The following RIMBP2 variants were observed in gnomAD, a reference collection of about 807,000 sequenced individuals.
RIMBP2 encodes RIMS-binding protein 2.
In RIMBP2, 48 loss-of-function variants were observed where a neutral mutation model predicts 118.6. That is an observed-to-expected ratio of 0.40 (90% CI 0.32 to 0.51). RIMBP2 has a LOEUF of 0.51. RIMBP2 is among the 20% of genes least tolerant of loss of function. RIMBP2 has a pLI of 0.41. For synonymous variants in RIMBP2, 762 were observed against 742.9 expected (o/e 1.03, Z -0.42); for missense variants, 1,551 against 1,768.3 (o/e 0.88, Z 2.20).
At chr12:130,572,448 G>A (rs1417456547) in intron 2 of RIMBP2, among the ~76,000 whole-genome samples, 6 of 151,976 alleles carry the variant, frequency 3.9e-5, no homozygotes, top group African/African-American at 9.7e-5. Context: ...TTGGACACTC[G>A]GCTCCCTGGG....
chr12:130,482,261 T>C (rs955406409), intron 4 of RIMBP2, among the ~76,000 whole-genome samples: 14 of 152,192 alleles, frequency 9.2e-5, no homozygotes, highest in Admixed American at 8.5e-4. Context: ...CTATTTCTAC[T>C]CCATTTATTC....
chr12:130,703,049 C>G lies in RIMBP2; in HGVS notation c.-352+13173G>C, dbSNP rs571386524. On this transcript the variant is annotated intron_variant, in intron 1 of 22. Coordinates refer to ENST00000690449, the MANE Select transcript of RIMBP2 (RefSeq NM_001393629.1). This position sits in a 1 kb window ranked among gnomAD's most constrained non-coding sequence, Gnocchi z 5.7. ...AAAATGCTGCTGCTACTCAGATGCC[C>G]GGAGAAGTTCATTAGAACAGGATTT... Among the ~76,000 whole-genome samples the G allele has an allele frequency of 1.3e-5, 2 of 152,116 alleles. No individual in the cohort carries two copies. The highest frequency in any genetic ancestry group is 4.8e-5 in the African/African-American group (2 of 41,418).
chr12:130,401,118 C>CT (rs761521395), intron 21 of RIMBP2, among the ~76,000 whole-genome samples: 1,796 of 149,774 alleles, frequency 0.012, 32 homozygotes, highest in African/African-American at 0.042. Context: ...GATTTTATAT[C>CT]TTTTTTTTTT....
At chr12:130,488,630 G>T (rs1566131173) in intron 4 of RIMBP2, among the ~76,000 whole-genome samples, 1 of 151,750 alleles carries the variant, frequency 6.6e-6, no homozygotes, top group Middle Eastern at 3.2e-3. Flanking sequence ...AAAAATCAGT[G>T]TTGCAAGGCT....
intron 2 of RIMBP2, among the ~76,000 whole-genome samples, chr12:130,535,952 G>T (rs1451842926): frequency 6.6e-6 from 1 of 151,522 alleles, no homozygotes; most frequent in African/African-American, 2.4e-5. Context: ...CTGATTTTTT[G>T]TTGTTGTTGT....
At chr12:130,607,829 C>A (rs1378252033) in intron 2 of RIMBP2, among the ~76,000 whole-genome samples, 1 of 151,916 alleles carries the variant, frequency 6.6e-6, no homozygotes, top group Non-Finnish European at 1.5e-5. Context: ...ATTTTTACAG[C>A]CGCTTAGGTT....
At chr12:130,404,561 A>G (rs976431883) in intron 21 of RIMBP2, among the ~76,000 whole-genome samples, 3 of 152,212 alleles carry the variant, frequency 2.0e-5, no homozygotes, top group African/African-American at 7.2e-5. Context: ...CAGCCTCCGC[A>G]TGAGTCACCG....
chr12:130,474,079 C>T (rs2081233566), intron 5 of RIMBP2, among the ~76,000 whole-genome samples: 1 of 152,168 alleles, frequency 6.6e-6, no homozygotes, highest in Non-Finnish European at 1.5e-5. Context: ...GTAACCTACA[C>T]AAGAAACTGA....
intron 21 of RIMBP2, among the ~76,000 whole-genome samples, chr12:130,400,180 C>T (rs532994450): frequency 3.3e-5 from 5 of 152,278 alleles, no homozygotes; most frequent in African/African-American, 1.2e-4. Context: ...GCTAAAAACA[C>T]ATCGCTCAGC....
At chr12:130,569,347 TCTCA>T (rs1255042027) in intron 2 of RIMBP2, among the ~76,000 whole-genome samples, 2 of 152,188 alleles carry the variant, frequency 1.3e-5, no homozygotes, top group Non-Finnish European at 2.9e-5. Context: ...CCTCCAGCCA[TCTCA>T]CTAACAGAAT....
chr12:130,558,151 A>G (rs1267378941), intron 2 of RIMBP2, among the ~76,000 whole-genome samples: 1 of 152,198 alleles, frequency 6.6e-6, no homozygotes, highest in Non-Finnish European at 1.5e-5. Context: ...GAATGAAACA[A>G]CAACAAAATG....
Position 130,506,778 on chromosome 12 carries a change from C to T in RIMBP2, c.-126-8G>A, listed in dbSNP as rs767615114. On this transcript the variant is annotated splice_region_variant and splice_polypyrimidine_tract_variant and intron_variant, in intron 3 of 22. Coordinates refer to ENST00000690449, the MANE Select transcript of RIMBP2 (RefSeq NM_001393629.1). ...CACATACTCTGCCTTCACCTGCAAG[C>T]GGAAGGGATGGAGACAAGGAGGTTA... The T allele has an allele frequency of 2.0e-5, 20 of 985,572 alleles. No homozygotes were observed. The East Asian group carries it at 3.4e-4, about 17-fold the overall frequency. The allele number at this position is 985,572 out of a possible 1,614,324, so 61.1% of individuals were successfully genotyped here. A position where few individuals can be genotyped will look rare whatever the true frequency, so the allele number is the denominator to read the frequency against.
intron 1 of RIMBP2, among the ~76,000 whole-genome samples, chr12:130,656,777 T>C (rs1594155084): frequency 6.6e-6 from 1 of 151,934 alleles, no homozygotes; most frequent in Admixed American, 6.6e-5. Context: ...GGTGTGGTGG[T>C]GCACACCTGT....
intron 2 of RIMBP2, among the ~76,000 whole-genome samples, chr12:130,583,617 A>G (rs2058621410): frequency 6.6e-6 from 1 of 150,886 alleles, no homozygotes; most frequent in African/African-American, 2.4e-5. Flanking sequence ...CACTAACATT[A>G]CATCATCACT....
chr12:130,473,552 C>G (rs1265885513), intron 5 of RIMBP2, among the ~76,000 whole-genome samples: 2 of 152,124 alleles, frequency 1.3e-5, no homozygotes, highest in Non-Finnish European at 2.9e-5. Flanking sequence ...GCGACTGTGA[C>G]GGGACAACGG....
chr12:130,524,019 C>G (rs1027557007), intron 2 of RIMBP2, among the ~76,000 whole-genome samples: 1 of 152,178 alleles, frequency 6.6e-6, no homozygotes, highest in Admixed American at 6.5e-5. Context: ...CCTGGCCACA[C>G]TGGACAGGCC....
intron 4 of RIMBP2, among the ~76,000 whole-genome samples, chr12:130,486,663 T>C (rs1176097731): frequency 2.0e-5 from 3 of 151,814 alleles, no homozygotes; most frequent in Non-Finnish European, 4.4e-5. Context: ...ACAGTCATTC[T>C]TGACTTCCTG....
intron 21 of RIMBP2, among the ~76,000 whole-genome samples, chr12:130,404,285 TAAG>T (rs1331697094): frequency 1.3e-5 from 2 of 152,182 alleles, no homozygotes; most frequent in Non-Finnish European, 2.9e-5. Context: ...ACAATCATAA[TAAG>T]ATCTATATAA....
intron 2 of RIMBP2, among the ~76,000 whole-genome samples, chr12:130,538,458 C>T (rs1411982457): frequency 6.6e-6 from 1 of 152,030 alleles, no homozygotes; most frequent in Non-Finnish European, 1.5e-5. Flanking sequence ...AGAAAGATCA[C>T]ACAGAGAATC....
Sources: allele counts gnomAD v4.1 joint callset (sites outside exome capture counted in the v4.1 genomes callset), GRCh38; gene constraint gnomAD v4.1.1; non-coding constraint Gnocchi (gnomAD v3.1); transcripts MANE v1.5; gene names NCBI Gene and HGNC (gene_info 2026-07-23, HGNC 2026-07-21).